The following NSMCE2 variants were observed in gnomAD, a reference collection of about 807,000 sequenced individuals.
The protein encoded by NSMCE2 is E3 SUMO-protein ligase NSE2.
A neutral mutation model predicts 23.8 loss-of-function variants in NSMCE2; 24 were observed. The observed-to-expected ratio is 1.01, with a 90% CI of 0.73 to 1.42. The LOEUF (loss-of-function observed/expected upper bound fraction) is 1.42, where lower values mean the gene tolerates loss of function less well. NSMCE2 is among the 40% of genes most tolerant of loss of function. The probability of loss-of-function intolerance (pLI) is 0.00; values close to 1 mark genes in which losing one functional copy is unlikely to be tolerated. For missense variants in NSMCE2, 284 were observed against 296.5 expected (o/e 0.96, Z 0.31); for synonymous variants, 92 against 94.1 (o/e 0.98, Z 0.13).
chr8:125,288,201 C>T (rs1489696317), intron 5 of NSMCE2, among the ~76,000 whole-genome samples: 5 of 152,142 alleles, frequency 3.3e-5, no homozygotes, highest in South Asian at 2.1e-4. Flanking sequence ...TTTATTATCA[C>T]GGCTGCAGCT....
At chr8:125,250,976 C>T (rs1197485067) in intron 5 of NSMCE2, among the ~76,000 whole-genome samples, 2 of 152,112 alleles carry the variant, frequency 1.3e-5, no homozygotes, top group Non-Finnish European at 2.9e-5. Flanking sequence ...CAATATGATC[C>T]TATTTTTATA....
chr8:125,152,705 A>AT (rs550998902), intron 4 of NSMCE2, among the ~76,000 whole-genome samples: 60 of 152,064 alleles, frequency 3.9e-4, no homozygotes, highest in African/African-American at 1.4e-3. Context: ...CGTTATGTTG[A>AT]TTTTTTTTCC....
chr8:125,274,032 G>A (rs1328976093), intron 5 of NSMCE2, among the ~76,000 whole-genome samples: 3 of 152,140 alleles, frequency 2.0e-5, no homozygotes, highest in African/African-American at 7.2e-5. Context: ...GGTGGAATGT[G>A]CTGCAGATGA....
chr8:125,119,086 A>T (rs997473025), intron 3 of NSMCE2, among the ~76,000 whole-genome samples: 3 of 152,122 alleles, frequency 2.0e-5, no homozygotes, highest in African/African-American at 7.2e-5. Context: ...TGGCTTCCTT[A>T]CTCAGAAAGT....
At chr8:125,208,968 G>C (rs1390879028) in intron 5 of NSMCE2, among the ~76,000 whole-genome samples, 1 of 152,074 alleles carries the variant, frequency 6.6e-6, no homozygotes, top group Admixed American at 6.5e-5. Flanking sequence ...GCTTAATTTT[G>C]TTTTCTTTTT....
intron 5 of NSMCE2, among the ~76,000 whole-genome samples, chr8:125,215,610 T>C (rs1824546600): frequency 6.6e-6 from 1 of 152,198 alleles, no homozygotes; most frequent in Non-Finnish European, 1.5e-5. Context: ...CCCTGAGGAA[T>C]CGCCTATGTC....
intron 5 of NSMCE2, among the ~76,000 whole-genome samples, chr8:125,232,413 G>A (rs996495456): frequency 6.6e-6 from 1 of 152,098 alleles, no homozygotes; most frequent in Non-Finnish European, 1.5e-5. Context: ...CTGTGCACAT[G>A]ATAAGAATTA....
intron 5 of NSMCE2, among the ~76,000 whole-genome samples, chr8:125,322,501 A>G (rs1366864509): frequency 6.6e-6 from 1 of 152,256 alleles, no homozygotes; most frequent in East Asian, 1.9e-4. Context: ...ATCTATGAAA[A>G]GCCTACATAT....
At chr8:125,282,714 G>A (rs1586715565) in intron 5 of NSMCE2, among the ~76,000 whole-genome samples, 1 of 152,334 alleles carries the variant, frequency 6.6e-6, no homozygotes, top group East Asian at 1.9e-4. Context: ...ATAATATACT[G>A]TGCTTGGGCA....
At chr8:125,182,878 G>A (rs967167771) in intron 5 of NSMCE2, 16 of 152,186 alleles carry the variant, frequency 1.1e-4, no homozygotes, top group African/African-American at 3.4e-4. Context: ...TTTTTAGACA[G>A]TATTTACCAG....
chr8:125,313,160 AAAAAAAGGAAGG>A (rs1829037494), intron 5 of NSMCE2, among the ~76,000 whole-genome samples: 2 of 151,002 alleles, frequency 1.3e-5, no homozygotes, highest in Admixed American at 1.3e-4. Flanking sequence ...GGAAGGAAGG[AAAAAAAGGAAGG>A]AAAGAAGGAA....
At chr8:125,104,012 C>G (rs1268136757) in intron 3 of NSMCE2, among the ~76,000 whole-genome samples, 3 of 147,534 alleles carry the variant, frequency 2.0e-5, no homozygotes, top group Non-Finnish European at 4.5e-5. Context: ...TTTTTTCAGC[C>G]GGAATTTTGC....
chr8:125,249,498 A>G (rs1826121391), intron 5 of NSMCE2, among the ~76,000 whole-genome samples: 1 of 152,188 alleles, frequency 6.6e-6, no homozygotes, highest in Non-Finnish European at 1.5e-5. Flanking sequence ...CCAGAAAATC[A>G]CTTTGAAAAA....
chr8:125,120,381 A>T (rs1387994844), intron 3 of NSMCE2, among the ~76,000 whole-genome samples: 2 of 152,208 alleles, frequency 1.3e-5, no homozygotes, highest in Non-Finnish European at 2.9e-5. Context: ...TGTATTTGTC[A>T]CTTTTCTACC....
At chr8:125,332,391 G>T (rs1052058565) in intron 5 of NSMCE2, among the ~76,000 whole-genome samples, 3 of 152,176 alleles carry the variant, frequency 2.0e-5, no homozygotes, top group African/African-American at 7.2e-5. Flanking sequence ...TTTATGGAGT[G>T]AAATATACCT....
intron 5 of NSMCE2, among the ~76,000 whole-genome samples, chr8:125,186,648 G>C (rs901582563): frequency 6.6e-6 from 1 of 152,182 alleles, no homozygotes; most frequent in Non-Finnish European, 1.5e-5. Context: ...TGGGACCTAA[G>C]TGAGGAGAGT....
chr8:125,238,780 T>C (rs1240741635), intron 5 of NSMCE2, among the ~76,000 whole-genome samples: 3 of 152,198 alleles, frequency 2.0e-5, no homozygotes, highest in East Asian at 1.9e-4. Flanking sequence ...AAAAGACTTA[T>C]TTTTTACAAA....
At chr8:125,152,046 G>C (rs753055784) in intron 4 of NSMCE2, among the ~76,000 whole-genome samples, 1 of 152,100 alleles carries the variant, frequency 6.6e-6, no homozygotes, top group Non-Finnish European at 1.5e-5. Context: ...CAAGATCAGT[G>C]ATTACTCAGT....
chr8:125,241,716 A>T (rs551903119), intron 5 of NSMCE2, among the ~76,000 whole-genome samples: 22 of 152,376 alleles, frequency 1.4e-4, no homozygotes, highest in African/African-American at 5.3e-4. Flanking sequence ...TGGTGATTTT[A>T]ACAAAAGTAC....
Sources: allele counts gnomAD v4.1 joint callset (sites outside exome capture counted in the v4.1 genomes callset), GRCh38; gene constraint gnomAD v4.1.1; transcripts MANE v1.5; gene names NCBI Gene and HGNC (gene_info 2026-07-23, HGNC 2026-07-21).